The following VIT variants were observed in gnomAD, a reference collection of about 807,000 sequenced individuals.
The protein encoded by VIT is vitrin.
Under a neutral mutation model 78.0 loss-of-function variants are expected in VIT, and 99 were observed. The ratio of observed to expected loss-of-function variants is 1.27; its 90% CI spans 1.08 to 1.50. The LOEUF (loss-of-function observed/expected upper bound fraction) is 1.50, where lower values mean the gene tolerates loss of function less well. Among genes scored for constraint, VIT ranks in the 40% most tolerant of loss-of-function variants. The pLI is 0.00. For missense variants in VIT, 1,126 were observed against 875.3 expected, an observed-to-expected ratio of 1.29 and a Z score of -3.61; for synonymous variants, 374 against 334.3, an observed-to-expected ratio of 1.12 and a Z score of -1.29.
At chr2:36,781,679 G>A in intron 9 of VIT, 48 bp from the exon 10 acceptor site, 1 of 1,600,916 alleles carries the variant, frequency 6.2e-7, no homozygotes, top group Non-Finnish European at 8.6e-7. Flanking sequence ...AGTTTCTGCT[G>A]GTTTGGTTTA....
intron 1 of VIT, among the ~76,000 whole-genome samples, chr2:36,711,939 A>G (rs2148437254): frequency 1.3e-5 from 2 of 152,288 alleles, no homozygotes; most frequent in Middle Eastern, 6.8e-3. Context: ...TCATGGCACA[A>G]TCCATAAATT....
chr2:36,717,145 G>A (rs868061298), intron 2 of VIT, among the ~76,000 whole-genome samples: 102 of 150,908 alleles, frequency 6.8e-4, no homozygotes, highest in African/African-American at 2.3e-3. Context: ...AAAGTGCTGG[G>A]ATTACAGGCG....
intron 2 of VIT, 132 bp downstream of exon 2, chr2:36,716,554 T>G (rs906195155): frequency 2.3e-5 from 17 of 732,014 alleles, no homozygotes; most frequent in Non-Finnish European, 3.8e-5. Flanking sequence ...TAAGAAACAT[T>G]TTGAAGAGAT....
At chr2:36,800,618 C>A (rs1244151308) in intron 12 of VIT, among the ~76,000 whole-genome samples, 1 of 152,170 alleles carries the variant, frequency 6.6e-6, no homozygotes. Context: ...GCGATGCACA[C>A]ACACCCGCCC....
chr2:36,808,877 C>T lies in VIT; in HGVS notation c.1795C>T (p.Gln599Ter), dbSNP rs758559801. The T allele has an allele frequency of 1.9e-6, 3 of 1,614,198 alleles. No individual in the cohort carries two copies. The South Asian group carries it at 3.3e-5, about 18-fold the overall frequency. The change falls in exon 15 of 16, where the codon CAG becomes TAG. Residue 599 changes from glutamine (Q) to a stop codon, truncating the protein, a stop_gained. Coordinates refer to ENST00000379242, the MANE Select transcript of VIT (RefSeq NM_053276.4). LOFTEE classifies it high-confidence loss of function. ...GGCTGCCATCAACTTCGCCCTGGAG[C>T]AGCTCTTCAAGAAGTCCAAGCCCAA... ...TGAAINFALE[Q>*]LFKKSKPNKR... is the part of the protein sequence containing the mutation.
At chr2:36,761,467 G>A (rs373166739) in intron 6 of VIT, among the ~76,000 whole-genome samples, 13 of 152,184 alleles carry the variant, frequency 8.5e-5, no homozygotes, top group East Asian at 3.9e-4. Flanking sequence ...GTGGCCGGGC[G>A]CAGTGGCTCA....
intron 3 of VIT, 79 bp downstream of exon 3, chr2:36,729,570 T>A (rs1667068978): frequency 6.7e-7 from 1 of 1,488,020 alleles, no homozygotes; most frequent in Non-Finnish European, 9.1e-7. Context: ...TTTTAGGTAA[T>A]TTTTGTTTTG....
At chr2:36,746,058 G>A (rs1429149522) in intron 4 of VIT, among the ~76,000 whole-genome samples, 3 of 152,134 alleles carry the variant, frequency 2.0e-5, no homozygotes, top group Non-Finnish European at 4.4e-5. Flanking sequence ...TGTCTATTGA[G>A]ATGATCACAT....
intron 3 of VIT, among the ~76,000 whole-genome samples, chr2:36,736,162 T>C (rs1434431944): frequency 1.3e-5 from 2 of 152,214 alleles, no homozygotes; most frequent in East Asian, 3.9e-4. Context: ...AGCATAAACC[T>C]ACTCAAGCAG....
intron 9 of VIT, among the ~76,000 whole-genome samples, chr2:36,779,180 G>A (rs897119744): frequency 6.6e-6 from 1 of 152,206 alleles, no homozygotes; most frequent in South Asian, 2.1e-4. Context: ...AGGTGCTGAA[G>A]CGATGATGAC....
Position 36,805,643 on chromosome 2 carries a change from G to A in VIT, c.1368G>A (p.Val456=). The change falls in exon 14 of 16, where the codon GTG becomes GTA. Residue 456 remains valine, a synonymous_variant. Transcript: ENST00000379242. ...CTGAAAATGAGAAGCAGTATGTGGT[G>A]GAGCCCAACTTTGCAAACAAGGTAG... The part of the protein sequence containing the change: ...GAAENEKQYV[V]EPNFANKAVC... 6.2e-7 allele frequency: 1 copy of A among 1,613,768 alleles called. No homozygotes were observed. The highest frequency in any genetic ancestry group is 8.5e-7 in the Non-Finnish European group (1 of 1,179,778).
intron 7 of VIT, among the ~76,000 whole-genome samples, chr2:36,768,096 T>C (rs1168625890): frequency 6.6e-6 from 1 of 152,166 alleles, no homozygotes; most frequent in African/African-American, 2.4e-5. Flanking sequence ...TCCGCTCCCA[T>C]AGCAGAGGCC....
chr2:36,750,494 A>C (rs114444970), intron 4 of VIT, among the ~76,000 whole-genome samples: 89 of 152,310 alleles, frequency 5.8e-4, no homozygotes, highest in African/African-American at 1.9e-3. Context: ...TAGAGCCACA[A>C]GAGTAAATTT....
chr2:36,744,627 G>A (rs548556796), intron 4 of VIT, among the ~76,000 whole-genome samples: 1 of 152,098 alleles, frequency 6.6e-6, no homozygotes, highest in Non-Finnish European at 1.5e-5. Flanking sequence ...GTTTTCTTTT[G>A]AGAAATGTCT....
chr2:36,740,633 A>C (rs2148511408), intron 3 of VIT, among the ~76,000 whole-genome samples: 1 of 152,304 alleles, frequency 6.6e-6, no homozygotes, highest in Admixed American at 6.5e-5. Flanking sequence ...TAATGAGTGA[A>C]TCCACCAATT....
Position 36,699,668 on chromosome 2 carries a change from A to AGATAGATG in VIT, c.-19+2695_-19+2696insGATAGATG, listed in dbSNP as rs1553357731. Reference sequence around the variant, plus strand: ...TAGATAGATAGATAGATAGATAGATATGCACACACATATACATAGTGTACT... The same window carrying AGATAGATG: ...TAGATAGATAGATAGATAGATAGATAGATAGATGTGCACACACATATACATAGTGTACT... On this transcript the variant is annotated intron_variant, in intron 1 of 15. Coordinates refer to ENST00000379242, the MANE Select transcript of VIT (RefSeq NM_053276.4). Among the ~76,000 whole-genome samples, 1,103 of 151,590 alleles carry AGATAGATG rather than the reference A, an allele frequency of 7.3e-3. 9 individuals are homozygous for AGATAGATG. The highest frequency in any genetic ancestry group is 0.021 in the African/African-American group (845 of 40,996).
At position 36,754,931 on chromosome 2, in the gene VIT, G is replaced by A; in HGVS notation, c.286G>A (p.Asp96Asn). The stretch of plus-strand genomic sequence containing the variant: ...TTTTTCTCTTCATAGTGGTGTGCTT[G>A]ATAATTCAGGAGGGAAAATACTTGT... Reference protein sequence around the residue: ...CGAAVHSGVLDNSGGKILVRK... With the variant: ...CGAAVHSGVLNNSGGKILVRK... Residue 96 changes from aspartate (D) to asparagine (N), a missense_variant, in exon 5 of 16, where the codon GAT becomes AAT. Coordinates refer to ENST00000379242, the MANE Select transcript of VIT (RefSeq NM_053276.4). The A allele has an allele frequency of 6.2e-7, 1 of 1,613,850 alleles. No individual in the cohort carries two copies. Among genetic ancestry groups the A allele is most frequent in the African/African-American group, 1.3e-5 (1 of 75,028 alleles).
In VIT at chr2:36,787,676, A is replaced by C. The variant is rs868210539; in HGVS notation, c.1058+400A>C. On this transcript the variant is annotated intron_variant, in intron 12 of 15. Coordinates refer to ENST00000379242, the MANE Select transcript of VIT (RefSeq NM_053276.4). ...TTGGATCTGCTTTCAACCCTATTACAGCATTTGTTTGAGGGACTCCACCCT... is the reference window on the plus strand; with the variant it reads ...TTGGATCTGCTTTCAACCCTATTACCGCATTTGTTTGAGGGACTCCACCCT... The C allele has an allele frequency of 5.0e-5, 17 of 339,406 alleles. No individual in the cohort carries two copies. In the Middle Eastern group the frequency reaches 3.6e-3, roughly 71 times the overall value. The allele number at this position is 339,406 out of a possible 1,614,324, so 21.0% of individuals were successfully genotyped here. A position where few individuals can be genotyped will look rare whatever the true frequency, so the allele number is the denominator to read the frequency against.
rs1553372934 is a variant in VIT at position 36,765,435 on chromosome 2, A to AGAGAGAGAGAGAGAGAGAGAG, written c.488-1659_488-1658insGAGAGAGAGAGAGAGAGAGAG. Among the ~76,000 whole-genome samples the AGAGAGAGAGAGAGAGAGAGAG allele has an allele frequency of 1.8e-3, 250 of 135,372 alleles. 11 individuals carry two copies. The highest frequency in any genetic ancestry group is 3.3e-3 in the Non-Finnish European group (205 of 62,624). 88.8% of individuals were successfully genotyped at this position (135,372 alleles called of 152,430 possible). On this transcript the variant is annotated intron_variant, in intron 6 of 15. Coordinates refer to ENST00000379242, the MANE Select transcript of VIT (RefSeq NM_053276.4). ...CAGGCGAGAGAGAGAGAGAGAGAGA[A>AGAGAGAGAGAGAGAGAGAGAG]AGAGAGAGAGAGGAAAAACTGCCTT...
Sources: allele counts gnomAD v4.1 joint callset (sites outside exome capture counted in the v4.1 genomes callset), GRCh38; gene constraint gnomAD v4.1.1; transcripts MANE v1.5; gene names NCBI Gene and HGNC (gene_info 2026-07-23, HGNC 2026-07-21).